The following GALNT14 variants were observed in gnomAD, a reference collection of about 807,000 sequenced individuals.
GALNT14 encodes the protein polypeptide N-acetylgalactosaminyltransferase 14.
A neutral mutation model predicts 77.5 loss-of-function variants in GALNT14; 60 were observed. The ratio of observed to expected loss-of-function variants is 0.77; its 90% CI spans 0.63 to 0.96. GALNT14 has a LOEUF of 0.96. GALNT14 is among the 40% of genes least tolerant of loss of function. GALNT14 has a pLI of 0.00. For synonymous variants in GALNT14, 280 were observed against 281.7 expected (o/e 0.99, Z 0.06); for missense variants, 710 against 731.0 (o/e 0.97, Z 0.33).
chr2:30,979,093 T>C (rs12619926), intron 2 of GALNT14, among the ~76,000 whole-genome samples: 29,831 of 151,996 alleles, frequency 0.2, 3,253 homozygotes, highest in East Asian at 0.48. Flanking sequence ...GTTGGGGTGG[T>C]GACAGGAGCT....
chr2:31,130,401 A>G (rs1297143183), intron 1 of GALNT14, among the ~76,000 whole-genome samples: 2 of 152,208 alleles, frequency 1.3e-5, no homozygotes, highest in African/African-American at 4.8e-5. Context: ...GCCAGCCACC[A>G]CTGGAGCCCT....
intron 1 of GALNT14, among the ~76,000 whole-genome samples, chr2:31,085,904 G>A (rs964913384): frequency 1.3e-5 from 2 of 152,220 alleles, no homozygotes; most frequent in African/African-American, 4.8e-5. Flanking sequence ...GGCAAAGGAG[G>A]AGCAAGGACA....
intron 6 of GALNT14, among the ~76,000 whole-genome samples, chr2:30,953,917 G>A (rs1229357987): frequency 2.6e-5 from 4 of 152,144 alleles, no homozygotes; most frequent in Admixed American, 2.6e-4. Flanking sequence ...TGAACACTGA[G>A]CACCTACTCT....
At chr2:30,907,320 A>G (rs1205970098), downstream of GALNT14, among the ~76,000 whole-genome samples, 1 of 152,238 alleles carries the variant, frequency 6.6e-6, no homozygotes, top group Non-Finnish European at 1.5e-5. Flanking sequence ...TAGCAAGACT[A>G]ATAAAGAAAA....
At chr2:31,065,779 T>C (rs897555502) in intron 1 of GALNT14, among the ~76,000 whole-genome samples, 1 of 151,948 alleles carries the variant, frequency 6.6e-6, no homozygotes, top group Admixed American at 6.6e-5. Flanking sequence ...CTCCTACAAA[T>C]CCCTCCTGCC....
intron 13 of GALNT14, among the ~76,000 whole-genome samples, chr2:30,915,810 A>T (rs1664642110): frequency 6.6e-6 from 1 of 152,178 alleles, no homozygotes; most frequent in African/African-American, 2.4e-5. Context: ...TTCAGCCCTG[A>T]CTGAGTGGGT....
chr2:31,132,424 CTG>C (rs1279776529), intron 1 of GALNT14, among the ~76,000 whole-genome samples: 1 of 152,190 alleles, frequency 6.6e-6, no homozygotes, highest in East Asian at 1.9e-4. Context: ...CAGGAGCCAG[CTG>C]TGTACCACCA....
At chr2:31,113,828 G>T (rs1677961465) in intron 1 of GALNT14, among the ~76,000 whole-genome samples, 1 of 152,198 alleles carries the variant, frequency 6.6e-6, no homozygotes. Flanking sequence ...TGGGGGGAAA[G>T]TCTCTTGGGT....
At position 30,991,401 on chromosome 2, in the gene GALNT14, T is replaced by C. The variant is rs184211398; in HGVS notation, c.299+1437A>G. 2.0e-5 allele frequency: 3 copies of C among 152,098 alleles called. No individual in the cohort carries two copies. In the East Asian group the frequency reaches 5.8e-4, roughly 30 times the overall value. The allele number at this position is 152,098 out of a possible 1,614,324, so 9.4% of individuals were successfully genotyped here. A position where few individuals can be genotyped will look rare whatever the true frequency, so the allele number is the denominator to read the frequency against. On this transcript the variant is annotated intron_variant, in intron 2 of 14. Coordinates refer to ENST00000349752, the MANE Select transcript of GALNT14 (RefSeq NM_024572.4). ...TCGGGGAAATACAATAACCTAATAT[T>C]TAAATAAAATTCTCTCAGATGCCAA...
rs541441910 is a variant in GALNT14, at chr2:31,034,298, T to C, written c.130-41291A>G. 2.0e-5 allele frequency among the ~76,000 whole-genome samples: 3 copies of C among 152,358 alleles called. No individual in the cohort carries two copies. The South Asian group carries it at 6.2e-4, about 32-fold the overall frequency. On this transcript the variant is annotated intron_variant, in intron 1 of 14. Transcript: ENST00000349752. ...GCCTCTTGCTTCACCTTACTAATTT[T>C]ATTCTTTAGCTACTTATAGTGCATC...
chr2:30,993,579 C>G (rs1003932969), intron 1 of GALNT14, among the ~76,000 whole-genome samples: 1 of 152,182 alleles, frequency 6.6e-6, no homozygotes, highest in African/African-American at 2.4e-5. Flanking sequence ...TCACCACCAC[C>G]CTATCTGTTC....
intron 1 of GALNT14, among the ~76,000 whole-genome samples, chr2:31,059,601 G>A (rs566791524): frequency 1.3e-5 from 2 of 152,330 alleles, no homozygotes; most frequent in African/African-American, 4.8e-5. Context: ...AGCTACTTGA[G>A]AGGCTGAGCA....
intron 13 of GALNT14, among the ~76,000 whole-genome samples, chr2:30,917,450 G>A (rs1325594084): frequency 6.6e-6 from 1 of 152,222 alleles, no homozygotes; most frequent in Non-Finnish European, 1.5e-5. Context: ...TGGCAGGCCT[G>A]TATCTGAACC....
At chr2:31,043,503 C>G (rs773127142) in intron 1 of GALNT14, among the ~76,000 whole-genome samples, 1 of 152,110 alleles carries the variant, frequency 6.6e-6, no homozygotes, top group Non-Finnish European at 1.5e-5. Context: ...AGGGGAAAAT[C>G]CACAGCTCAA....
intron 1 of GALNT14, chr2:31,125,339 C>T: frequency 1.0e-6 from 1 of 962,196 alleles, no homozygotes; most frequent in South Asian, 1.4e-5. Flanking sequence ...TCTTACCCCT[C>T]ACAAAGACTC....
Position 31,132,601 on chromosome 2 carries a change from G to A in GALNT14, c.129+5357C>T, listed in dbSNP as rs187285523. 1.4e-4 allele frequency: 56 copies of A among 410,624 alleles called. 1 individual carries two copies. The highest frequency in any genetic ancestry group is 5.0e-4 in the African/African-American group (24 of 47,728). 25.4% of individuals were successfully genotyped at this position (410,624 alleles called of 1,614,324 possible). Reference sequence around the variant, plus strand: ...TTGCCTTTGCAAAAATTACAACAATGAGAAAATTGACAGTGAAAGAGAACT... The same window carrying A: ...TTGCCTTTGCAAAAATTACAACAATAAGAAAATTGACAGTGAAAGAGAACT... On this transcript the variant is annotated intron_variant, in intron 1 of 14. Transcript: ENST00000349752.
At chr2:31,113,438 G>A (rs1412941526) in intron 1 of GALNT14, among the ~76,000 whole-genome samples, 1 of 152,154 alleles carries the variant, frequency 6.6e-6, no homozygotes, top group Non-Finnish European at 1.5e-5. Context: ...AGTAGGAGAG[G>A]CCCCTGGGAG....
At chr2:31,093,191 A>T (rs1676841218) in intron 1 of GALNT14, among the ~76,000 whole-genome samples, 1 of 152,172 alleles carries the variant, frequency 6.6e-6, no homozygotes, top group Non-Finnish European at 1.5e-5. Context: ...CTTACTAGGA[A>T]AGAAGCATAA....
chr2:31,033,764 G>A lies in GALNT14; in HGVS notation c.130-40757C>T, dbSNP rs1047834965. On this transcript the variant is annotated intron_variant, in intron 1 of 14. Coordinates refer to ENST00000349752, the MANE Select transcript of GALNT14 (RefSeq NM_024572.4). ...CCTCTCCTTTCCCCGAGATATGCAG[G>A]TGATGCCCACGTGTTAGTTCTGACA... Among the ~76,000 whole-genome samples, 6 of 151,910 alleles carry A rather than the reference G, an allele frequency of 3.9e-5. No individual in the cohort carries two copies. The South Asian group carries it at 1.2e-3, about 32-fold the overall frequency.
Sources: gnomAD v4.1 joint callset for allele counts (sites outside exome capture counted in the v4.1 genomes callset) on GRCh38, gnomAD v4.1.1 for gene constraint, MANE v1.5 for transcripts, NCBI Gene and HGNC (gene_info 2026-07-23, HGNC 2026-07-21) for gene names.